RTL9: variants seen among roughly 807,000 people sequenced by gnomAD.
The protein encoded by RTL9 is retrotransposon Gag-like protein 9.
RTL9 carries 19 observed loss-of-function variants against 44.7 expected under a neutral mutation model. That is an observed-to-expected ratio of 0.42 (90% CI 0.30 to 0.62). The LOEUF is 0.62. Among genes scored for constraint, RTL9 ranks in the 20% least tolerant of loss-of-function variants. The pLI is 0.16. For synonymous variants in RTL9, 407 were observed against 398.9 expected, an observed-to-expected ratio of 1.02 and a Z score of -0.24; for missense variants, 1,105 against 1,080.6, an observed-to-expected ratio of 1.02 and a Z score of -0.32.
At chrX:110,375,281 G>C (rs762717854) in intron 1 of RTL9, among the ~76,000 whole-genome samples, 1 of 112,265 alleles carries the variant, frequency 8.9e-6, no homozygotes, top group East Asian at 2.8e-4. Flanking sequence ...AGGAGAACAA[G>C]AGATGGAATG....
rs1349352016 is a variant in RTL9, at chrX:110,407,273, AAG to A, written c.-167-37875_-167-37874del. Among the ~76,000 whole-genome samples the A allele has an allele frequency of 2.7e-5, 3 of 112,238 alleles. No individual in the cohort carries two copies. In the East Asian group the frequency reaches 8.3e-4, roughly 31 times the overall value. Reference sequence around the variant, plus strand: ...AAAATACATTCTCAATGGCTGGGTGAAGAGAGTCCTTGAGATTTTACCAGCTT... The same window carrying A: ...AAAATACATTCTCAATGGCTGGGTGAAGAGTCCTTGAGATTTTACCAGCTT... On this transcript the variant is annotated intron_variant, in intron 1 of 2. Transcript: ENST00000520821.
chrX:110,447,183 T>C (rs2148346082), upstream of RTL9, among the ~76,000 whole-genome samples: 1 of 97,620 alleles, frequency 1.0e-5, no homozygotes, highest in African/African-American at 3.9e-5. Context: ...TTGAGTAGTA[T>C]GCTATAGTGA....
chrX:110,418,492 A>G (rs1026055499), upstream of RTL9, among the ~76,000 whole-genome samples: 1 of 112,073 alleles, frequency 8.9e-6, no homozygotes, highest in Admixed American at 9.4e-5. Flanking sequence ...GCAGTTAGTG[A>G]TCAGGGCCAA....
chrX:110,381,737 C>G (rs1169443225), intron 1 of RTL9, among the ~76,000 whole-genome samples: 1 of 111,147 alleles, frequency 9.0e-6, no homozygotes, highest in Non-Finnish European at 1.9e-5. Context: ...TACTACCCAG[C>G]CATAAAAATG....
At chrX:110,452,143 C>G (rs1468404850) in exon 1 of RTL9, 2 of 1,210,334 alleles carry the variant, frequency 1.7e-6, no homozygotes, top group Non-Finnish European at 2.2e-6. Flanking sequence ...ACTTCTGGAG[C>G]AATGTCCACC....
exon 1 of RTL9, chrX:110,454,280 A>G (rs1253984176): frequency 5.8e-6 from 7 of 1,211,813 alleles, no homozygotes; most frequent in South Asian, 1.8e-5. Flanking sequence ...TCCTGAGAAG[A>G]TCCCAGGGCA....
At chrX:110,415,233 G>T (rs748867763), upstream of RTL9, among the ~76,000 whole-genome samples, 3 of 112,316 alleles carry the variant, frequency 2.7e-5, no homozygotes, top group Non-Finnish European at 3.8e-5. Flanking sequence ...GAGTGAATGA[G>T]AGAAGAAAAA....
rs185122592 is a variant in RTL9, at chrX:110,390,294, G to A, written c.-168+31378G>A. On this transcript the variant is annotated intron_variant, in intron 1 of 2. Transcript: ENST00000520821. ...CTTTTAAACACAAGGGTCAATTCAA[G>A]TTAAAAAATAAAATAAATGTTTACA... Among the ~76,000 whole-genome samples the A allele has an allele frequency of 9.5e-3, 1,059 of 111,545 alleles. 16 individuals are homozygous for A. Among genetic ancestry groups the A allele is most frequent in the African/African-American group, 0.033 (1,004 of 30,736 alleles).
intron 1 of RTL9, among the ~76,000 whole-genome samples, chrX:110,454,890 C>T (rs144908828): frequency 7.2e-5 from 8 of 111,392 alleles, no homozygotes; most frequent in African/African-American, 2.6e-4. Flanking sequence ...TTACTGAGAA[C>T]GTGGGATAGT....
chrX:110,398,408 T>G (rs1238296481), intron 1 of RTL9, among the ~76,000 whole-genome samples: 1 of 112,645 alleles, frequency 8.9e-6, no homozygotes, highest in African/African-American at 3.2e-5. Flanking sequence ...CAGATGCCCT[T>G]CTTCCCATTA....
chrX:110,433,948 C>G (rs1177509660), intron 1 of RTL9, among the ~76,000 whole-genome samples: 1 of 111,477 alleles, frequency 9.0e-6, no homozygotes, highest in Non-Finnish European at 1.9e-5. Flanking sequence ...GGGGTCTTCC[C>G]TATCTAGTGG....
At chrX:110,406,506 T>C (rs1421175561) in intron 1 of RTL9, among the ~76,000 whole-genome samples, 2 of 112,070 alleles carry the variant, frequency 1.8e-5, no homozygotes, top group Non-Finnish European at 3.8e-5. Context: ...CAGTCTATCA[T>C]TGATGGACAT....
chrX:110,382,528 G>A (rs1359744944), intron 1 of RTL9, among the ~76,000 whole-genome samples: 1 of 111,622 alleles, frequency 9.0e-6, no homozygotes, highest in East Asian at 2.8e-4. Flanking sequence ...AAGGAAGGGT[G>A]TAACTCATAG....
chrX:110,369,424 C>A (rs2068322116), intron 1 of RTL9, among the ~76,000 whole-genome samples: 1 of 112,050 alleles, frequency 8.9e-6, no homozygotes, highest in South Asian at 3.8e-4. Context: ...ATTAGGTGTA[C>A]ACGATACAAA....
At chrX:110,454,053 C>T (rs755257065) in exon 1 of RTL9, 1 of 1,212,092 alleles carries the variant, frequency 8.3e-7, no homozygotes. Context: ...AATGTTGACC[C>T]CAGCACTCTG....
Position 110,385,455 on chromosome X carries a change from A to AAAAT in RTL9, c.-168+26541_-168+26544dup, listed in dbSNP as rs762690184. Reference sequence around the variant, plus strand: ...ACCATCACCACAATCTAATTTTTAGAAAATATTCATTACCCCAAAAAGGAA... The same window carrying AAAAT: ...ACCATCACCACAATCTAATTTTTAGAAAATAAATATTCATTACCCCAAAAAGGAA... On this transcript the variant is annotated intron_variant, in intron 1 of 2. Transcript: ENST00000520821. Among the ~76,000 whole-genome samples, 7 of 111,662 alleles carry AAAAT rather than the reference A, an allele frequency of 6.3e-5. No homozygotes were observed. In the South Asian group the frequency reaches 2.7e-3, roughly 43 times the overall value.
intron 1 of RTL9, among the ~76,000 whole-genome samples, chrX:110,398,928 T>C (rs1304807497): frequency 8.9e-6 from 1 of 112,396 alleles, no homozygotes; most frequent in Non-Finnish European, 1.9e-5. Context: ...TCTAAATCTA[T>C]GTTTTTGCTC....
chrX:110,413,657 G>A (rs181691662), intron 1 of RTL9, among the ~76,000 whole-genome samples: 1 of 109,073 alleles, frequency 9.2e-6, no homozygotes, highest in East Asian at 2.9e-4. Context: ...GCCTTACCAT[G>A]CTTCATCATC....
chrX:110,364,300 T>C (rs1182909014), intron 1 of RTL9, among the ~76,000 whole-genome samples: 1 of 111,690 alleles, frequency 9.0e-6, no homozygotes, highest in Non-Finnish European at 1.9e-5. Flanking sequence ...ATCCTTATCT[T>C]ACATACATCA....
Sources: gnomAD v4.1 joint callset for allele counts (sites outside exome capture counted in the v4.1 genomes callset) on GRCh38, gnomAD v4.1.1 for gene constraint, MANE v1.5 for transcripts, NCBI Gene and HGNC (gene_info 2026-07-23, HGNC 2026-07-21) for gene names.